Variants in FGGY observed in about 807,000 individuals in gnomAD.
FGGY encodes the protein FGGY carbohydrate kinase domain containing, also known as FGGY carbohydrate kinase domain-containing protein.
A neutral mutation model predicts 71.3 loss-of-function variants in FGGY; 72 were observed. That is an observed-to-expected ratio of 1.01 (90% confidence interval 0.84 to 1.23). The LOEUF is 1.23. Among genes scored for constraint, FGGY ranks in the 50% most tolerant of loss-of-function variants. The pLI is 0.00. For missense variants in FGGY, 668 were observed against 682.3 expected (o/e 0.98, Z 0.23); for synonymous variants, 251 against 250.3 (o/e 1.00, Z -0.02).
chr1:59,437,425 G>A (rs898417960), intron 5 of FGGY, among the ~76,000 whole-genome samples: 5 of 152,224 alleles, frequency 3.3e-5, no homozygotes, highest in African/African-American at 9.6e-5. Flanking sequence ...CTTTAGACTG[G>A]CCCATTCTCT....
intron 9 of FGGY, among the ~76,000 whole-genome samples, chr1:59,616,685 G>C (rs2096758715): frequency 1.3e-5 from 2 of 151,908 alleles, no homozygotes; most frequent in Non-Finnish European, 1.5e-5. Flanking sequence ...AATAATTGTA[G>C]CTTACTGAGT....
Position 59,365,643 on chromosome 1 carries a change from G to T in FGGY, c.466-13106G>T, listed in dbSNP as rs773532053. Among the ~76,000 whole-genome samples, 4 of 152,220 alleles carry T rather than the reference G, an allele frequency of 2.6e-5. 1 individual carries two copies. The highest frequency in any genetic ancestry group is 4.4e-5 in the Non-Finnish European group (3 of 68,044). On this transcript the variant is annotated intron_variant, in intron 4 of 15. Transcript: ENST00000303721. The stretch of plus-strand genomic sequence containing the variant: ...TGGTCTGACTTTCCATTTACCCGTT[G>T]TGTGGGACCTGGGGATAGTCTTGGT...
intron 8 of FGGY, among the ~76,000 whole-genome samples, chr1:59,580,788 A>T (rs1360414187): frequency 6.6e-5 from 10 of 152,140 alleles, no homozygotes; most frequent in Non-Finnish European, 1.3e-4. Context: ...CTTCATCACA[A>T]AAAAAGTCCC....
intron 5 of FGGY, among the ~76,000 whole-genome samples, chr1:59,431,643 G>T (rs182380324): frequency 6.6e-6 from 1 of 152,312 alleles, no homozygotes; most frequent in East Asian, 1.9e-4. Context: ...ATGATCCAAA[G>T]TGGCTTTCAA....
chr1:59,533,727 G>A (rs950799879), intron 7 of FGGY, among the ~76,000 whole-genome samples: 2 of 152,204 alleles, frequency 1.3e-5, no homozygotes, highest in Non-Finnish European at 2.9e-5. Context: ...GCACCCCCCA[G>A]CAGGGGCAGA....
chr1:59,473,124 T>A (rs1016522413), intron 6 of FGGY, among the ~76,000 whole-genome samples: 5 of 152,106 alleles, frequency 3.3e-5, no homozygotes, highest in Non-Finnish European at 5.9e-5. Context: ...TTGTTCTTTC[T>A]CTCTTTGCAA....
chr1:59,640,383 C>T (rs979803378), intron 11 of FGGY, among the ~76,000 whole-genome samples: 4 of 152,174 alleles, frequency 2.6e-5, no homozygotes, highest in Non-Finnish European at 5.9e-5. Context: ...CTGGAAACTA[C>T]GATGATGCCT....
At chr1:59,334,687 G>T (rs1221939560) in intron 2 of FGGY, among the ~76,000 whole-genome samples, 1 of 151,934 alleles carries the variant, frequency 6.6e-6, no homozygotes, top group Non-Finnish European at 1.5e-5. Flanking sequence ...TATAAATCTG[G>T]TATTTCCAAA....
chr1:59,471,682 C>T (rs1322759620), intron 6 of FGGY, among the ~76,000 whole-genome samples: 1 of 152,208 alleles, frequency 6.6e-6, no homozygotes, highest in African/African-American at 2.4e-5. Context: ...CAACCACACT[C>T]CCCAAGTGTC....
intron 8 of FGGY, among the ~76,000 whole-genome samples, chr1:59,580,993 G>A (rs1303095450): frequency 6.6e-6 from 1 of 152,144 alleles, no homozygotes; most frequent in Admixed American, 6.5e-5. Flanking sequence ...TGGCCAGTAA[G>A]GAGTTTGATA....
intron 11 of FGGY, among the ~76,000 whole-genome samples, chr1:59,646,116 AG>A (rs1219448000): frequency 6.6e-6 from 1 of 152,224 alleles, no homozygotes; most frequent in African/African-American, 2.4e-5. Context: ...TCAGCAACTC[AG>A]GGTATCTGCA....
In FGGY at chr1:59,674,035, G is replaced by A. The variant is rs746139727; in HGVS notation, c.1418-4G>A. 8 of 1,612,656 alleles carry A rather than the reference G, an allele frequency of 5.0e-6. No individual in the cohort carries two copies. Among genetic ancestry groups the A allele is most frequent in the African/African-American group, 1.3e-5 (1 of 74,878 alleles). ...TAACCAAGGTGTGGCCTTGTCCTGC[G>A]CAGGCATGCCTGTGGTCCTGTCGCA... On this transcript the variant is annotated splice_polypyrimidine_tract_variant and splice_region_variant and intron_variant, in intron 13 of 15. Coordinates refer to ENST00000303721, the MANE Select transcript of FGGY (RefSeq NM_018291.5).
intron 6 of FGGY, among the ~76,000 whole-genome samples, chr1:59,469,583 CT>C: frequency 6.6e-6 from 1 of 152,136 alleles, no homozygotes; most frequent in East Asian, 1.9e-4. Context: ...ATATGCTGAG[CT>C]TTTATTCATA....
chr1:59,402,775 T>C (rs1023058386), intron 5 of FGGY, among the ~76,000 whole-genome samples: 2 of 151,414 alleles, frequency 1.3e-5, no homozygotes, highest in African/African-American at 4.9e-5. Flanking sequence ...TATTGGGAGG[T>C]GAGGGAGTAA....
intron 1 of FGGY, among the ~76,000 whole-genome samples, chr1:59,299,190 C>G (rs540340095): frequency 1.3e-5 from 2 of 151,968 alleles, no homozygotes; most frequent in Non-Finnish European, 2.9e-5. Context: ...GGAGAAAGAG[C>G]GAGGGATTAT....
At chr1:59,479,039 C>G (rs1305464916) in intron 6 of FGGY, among the ~76,000 whole-genome samples, 1 of 152,210 alleles carries the variant, frequency 6.6e-6, no homozygotes, top group Non-Finnish European at 1.5e-5. Flanking sequence ...ACACTGAGCA[C>G]AGATGCTGTG....
At chr1:59,433,146 T>G (rs915348044) in intron 5 of FGGY, among the ~76,000 whole-genome samples, 6 of 152,196 alleles carry the variant, frequency 3.9e-5, no homozygotes, top group African/African-American at 1.2e-4. Flanking sequence ...GGCCAGATAA[T>G]TCTTTGTTGT....
chr1:59,723,564 G>T lies in FGGY; in HGVS notation c.1513-34367G>T, dbSNP rs200593092. Among the ~76,000 whole-genome samples, 418 of 79,338 alleles carry T rather than the reference G, an allele frequency of 5.3e-3. 4 individuals are homozygous for T. The highest frequency in any genetic ancestry group is 0.026 in the South Asian group (71 of 2,746). 52.0% of individuals were successfully genotyped at this position (79,338 alleles called of 152,430 possible). A position where few individuals can be genotyped will look rare whatever the true frequency, so the allele number is the denominator to read the frequency against. The stretch of plus-strand genomic sequence containing the variant: ...TCTTGGCATTTTCTTGTTTTTTTTT[G>T]GGGGGGGGTGGTTGGGGGTTTTTTT... On this transcript the variant is annotated intron_variant, in intron 14 of 15. Coordinates refer to ENST00000303721, the MANE Select transcript of FGGY (RefSeq NM_018291.5).
intron 9 of FGGY, among the ~76,000 whole-genome samples, chr1:59,613,643 A>C (rs559002597): frequency 2.3e-4 from 35 of 152,330 alleles, no homozygotes; most frequent in African/African-American, 8.4e-4. Flanking sequence ...GAAATAACTA[A>C]AATCAGAGCA....
Sources: gnomAD v4.1 joint callset for allele counts (sites outside exome capture counted in the v4.1 genomes callset) on GRCh38, gnomAD v4.1.1 for gene constraint, MANE v1.5 for transcripts, NCBI Gene and HGNC (gene_info 2026-07-23, HGNC 2026-07-21) for gene names.